The following AASDH variants were observed in gnomAD, a reference collection of about 807,000 sequenced individuals.
AASDH encodes the protein beta-alanine-activating enzyme.
In AASDH, 81 loss-of-function variants were observed where a neutral mutation model predicts 102.3. The observed-to-expected ratio is 0.79, with a 90% CI of 0.66 to 0.95. AASDH has a LOEUF of 0.95. Among genes scored for constraint, AASDH ranks in the 40% least tolerant of loss-of-function variants. The pLI is 0.00. For synonymous variants in AASDH, 398 were observed against 454.0 expected, an observed-to-expected ratio of 0.88 and a Z score of 1.57; for missense variants, 1,203 against 1,266.2, an observed-to-expected ratio of 0.95 and a Z score of 0.76.
At chr4:56,382,717 G>A (rs1415596566) in intron 2 of AASDH, 120 bp from the exon 3 acceptor site, 5 of 1,089,940 alleles carry the variant, frequency 4.6e-6, no homozygotes, top group Non-Finnish European at 6.5e-6. Context: ...GGTTTCCGGA[G>A]CACTTTATTG....
At chr4:56,352,928 G>C (rs1334585623) in intron 9 of AASDH, among the ~76,000 whole-genome samples, 1 of 152,006 alleles carries the variant, frequency 6.6e-6, no homozygotes, top group East Asian at 1.9e-4. Context: ...CTATATATTG[G>C]TTCTGTTTCT....
intron 6 of AASDH, 141 bp from the exon 7 acceptor site, chr4:56,354,952 T>C: frequency 1.2e-6 from 1 of 860,176 alleles, no homozygotes; most frequent in Non-Finnish European, 1.7e-6. Context: ...AGGAAAAGGT[T>C]AGGTGGAAAG....
chr4:56,355,584 T>G (rs1016647357), intron 5 of AASDH, among the ~76,000 whole-genome samples, 161 bp from the exon 6 acceptor site: 23 of 147,720 alleles, frequency 1.6e-4, no homozygotes, highest in African/African-American at 5.2e-4. Context: ...GGTGCAACAT[T>G]ATCTTCTTGT....
In AASDH at chr4:56,351,468, A is replaced by G; in HGVS notation, c.1577-11T>C. 1 of 1,371,790 alleles carries G rather than the reference A, an allele frequency of 7.3e-7. No individual in the cohort carries two copies. Among genetic ancestry groups the G allele is most frequent in the Non-Finnish European group, 1.0e-6 (1 of 980,314 alleles). 85.0% of individuals were successfully genotyped at this position (1,371,790 alleles called of 1,614,324 possible). A position where few individuals can be genotyped will look rare whatever the true frequency, so the allele number is the denominator to read the frequency against. ...AAACATCAATTTTGCCTTAATATAA[A>G]AGAGAAATAACAAATGTTTTAAAAC... On this transcript the variant is annotated splice_polypyrimidine_tract_variant and intron_variant, in intron 9 of 14. Coordinates refer to ENST00000205214, the MANE Select transcript of AASDH (RefSeq NM_181806.4).
chr4:56,384,397 G>A, intron 1 of AASDH, 56 bp from the exon 2 acceptor site: 10 of 927,420 alleles, frequency 1.1e-5, no homozygotes, highest in Middle Eastern at 2.2e-4. Flanking sequence ...CTCGGTGGAG[G>A]GACAGGGAAA....
At chr4:56,367,086 C>T (rs1751108679) in intron 5 of AASDH, among the ~76,000 whole-genome samples, 1 of 151,348 alleles carries the variant, frequency 6.6e-6, no homozygotes, top group Non-Finnish European at 1.5e-5. Context: ...AACAGACAAA[C>T]AGCCAAATCA....
intron 5 of AASDH, among the ~76,000 whole-genome samples, chr4:56,367,485 A>C (rs1358062204): frequency 1.9e-5 from 2 of 105,880 alleles, no homozygotes; most frequent in African/African-American, 6.8e-5. Flanking sequence ...AGGCTACAGT[A>C]ACCAAAACAG....
intron 5 of AASDH, among the ~76,000 whole-genome samples, 181 bp from the exon 6 acceptor site, chr4:56,355,604 T>G (rs1006571383): frequency 3.3e-5 from 5 of 150,162 alleles, no homozygotes; most frequent in Non-Finnish European, 5.9e-5. Context: ...TTTTTTTTTT[T>G]TTTTTTTTTT....
At chr4:56,365,947 G>C (rs1750943066) in intron 5 of AASDH, among the ~76,000 whole-genome samples, 1 of 152,080 alleles carries the variant, frequency 6.6e-6, no homozygotes, top group Non-Finnish European at 1.5e-5. Context: ...TTTTTGAAAA[G>C]ATCAACAAAA....
intron 5 of AASDH, chr4:56,356,459 G>A (rs1343753885): frequency 1.9e-6 from 3 of 1,574,376 alleles, no homozygotes; most frequent in Admixed American, 1.7e-5. Flanking sequence ...CAAAGCAAGA[G>A]AAGAAGCAGA....
chr4:56,370,375 A>G (rs1578038824), intron 5 of AASDH, among the ~76,000 whole-genome samples: 1 of 152,016 alleles, frequency 6.6e-6, no homozygotes. Context: ...AGAGAGAGAG[A>G]GGGACAGAGA....
intron 9 of AASDH, among the ~76,000 whole-genome samples, chr4:56,352,014 A>G (rs779998913): frequency 4.6e-5 from 7 of 152,148 alleles, no homozygotes; most frequent in Non-Finnish European, 1.0e-4. Flanking sequence ...CCATTACCTG[A>G]GCAATTACTG....
chr4:56,342,232 G>A (rs1442680935), intron 14 of AASDH, among the ~76,000 whole-genome samples: 3 of 151,800 alleles, frequency 2.0e-5, no homozygotes, highest in Non-Finnish European at 2.9e-5. Context: ...TTCAGTAGCA[G>A]AGTAGGATGA....
intron 5 of AASDH, chr4:56,356,313 T>A: frequency 7.2e-7 from 1 of 1,381,590 alleles, no homozygotes; most frequent in Non-Finnish European, 1.0e-6. Context: ...CCCTGCTCTA[T>A]CAGGTTGCAG....
intron 14 of AASDH, among the ~76,000 whole-genome samples, chr4:56,340,774 C>T (rs1747569212): frequency 1.3e-5 from 2 of 152,146 alleles, no homozygotes; most frequent in African/African-American, 4.8e-5. Context: ...GCAAACTATT[C>T]ATCCAACAAG....
chr4:56,363,953 CA>C (rs1750662766), intron 5 of AASDH, among the ~76,000 whole-genome samples: 3 of 151,950 alleles, frequency 2.0e-5, no homozygotes, highest in Non-Finnish European at 4.4e-5. Flanking sequence ...GAACCAATGG[CA>C]AAGAAGTTAA....
chr4:56,360,763 A>G (rs530901029), intron 5 of AASDH, among the ~76,000 whole-genome samples: 1 of 152,368 alleles, frequency 6.6e-6, no homozygotes, highest in Admixed American at 6.5e-5. Flanking sequence ...CGGAGTTGTA[A>G]CAGACAACCT....
At chr4:56,374,412 T>C (rs952690547) in intron 4 of AASDH, among the ~76,000 whole-genome samples, 1 of 139,520 alleles carries the variant, frequency 7.2e-6, no homozygotes, top group Non-Finnish European at 1.6e-5. Context: ...ATTCAACAAA[T>C]GCAGAAACCT....
At chr4:56,383,418 A>G (rs541000757) in intron 2 of AASDH, among the ~76,000 whole-genome samples, 1 of 152,198 alleles carries the variant, frequency 6.6e-6, no homozygotes, top group South Asian at 2.1e-4. Flanking sequence ...GTGCCTGGCC[A>G]AAAGTAAATT....
Sources: gnomAD v4.1 joint callset for allele counts (sites outside exome capture counted in the v4.1 genomes callset) on GRCh38, gnomAD v4.1.1 for gene constraint, MANE v1.5 for transcripts, NCBI Gene and HGNC (gene_info 2026-07-23, HGNC 2026-07-21) for gene names.